The following WWOX variants were observed in gnomAD, a reference collection of about 807,000 sequenced individuals.
WWOX encodes WW domain-containing oxidoreductase.
A neutral mutation model predicts 46.2 loss-of-function variants in WWOX; 69 were observed. That is an observed-to-expected ratio of 1.49 (90% CI 1.23 to 1.82). The LOEUF (loss-of-function observed/expected upper bound fraction) is 1.82. Among genes scored for constraint, WWOX ranks in the 40% most tolerant of loss-of-function variants. The pLI, the probability that WWOX is intolerant of heterozygous loss-of-function variation, is 0.00. For missense variants in WWOX, 919 were observed against 542.6 expected (o/e 1.69, Z -6.89); for synonymous variants, 359 against 202.6 (o/e 1.77, Z -6.56).
At chr16:78,715,861 G>A (rs1332644975) in intron 8 of WWOX, among the ~76,000 whole-genome samples, 1 of 152,154 alleles carries the variant, frequency 6.6e-6, no homozygotes, top group African/African-American at 2.4e-5. Flanking sequence ...GGCATGGGCT[G>A]TGTCACATGA....
chr16:78,930,904 T>G (rs1022019698), intron 8 of WWOX, among the ~76,000 whole-genome samples: 5 of 152,112 alleles, frequency 3.3e-5, no homozygotes, highest in African/African-American at 4.8e-5. Flanking sequence ...TGTGGTCAAT[T>G]AGTTCTGGGT....
chr16:78,207,761 CA>C (rs34715697), intron 5 of WWOX, among the ~76,000 whole-genome samples: 49,097 of 104,718 alleles, frequency 0.47, 8,464 homozygotes, highest in African/African-American at 0.54. Context: ...GACCCTATTA[CA>C]AAAAAAAAAA....
chr16:78,444,840 A>G (rs896079063), intron 8 of WWOX, among the ~76,000 whole-genome samples: 3 of 152,104 alleles, frequency 2.0e-5, no homozygotes, highest in Non-Finnish European at 4.4e-5. Context: ...TATGAGGAGC[A>G]GTTCTTTCAA....
intron 5 of WWOX, among the ~76,000 whole-genome samples, chr16:78,261,778 ATC>A (rs1450770919): frequency 0.013 from 571 of 43,696 alleles, 8 homozygotes; most frequent in East Asian, 0.099. Context: ...CTATGTATCT[ATC>A]TATCTATCTA....
At chr16:78,201,497 G>A (rs1207212915) in intron 5 of WWOX, among the ~76,000 whole-genome samples, 3 of 152,060 alleles carry the variant, frequency 2.0e-5, no homozygotes, top group Non-Finnish European at 4.4e-5. Flanking sequence ...GTTGAAAAAA[G>A]AGGCAAGAGA....
intron 8 of WWOX, among the ~76,000 whole-genome samples, chr16:78,611,661 A>AT (rs1008851802): frequency 1.2e-4 from 19 of 152,192 alleles, no homozygotes; most frequent in Non-Finnish European, 2.5e-4. Flanking sequence ...CCTCTGCATG[A>AT]TTTTTTACGC....
chr16:78,958,471 G>T (rs556282501), intron 8 of WWOX, among the ~76,000 whole-genome samples: 1 of 152,232 alleles, frequency 6.6e-6, no homozygotes, highest in Non-Finnish European at 1.5e-5. Flanking sequence ...GAGGTTTTAT[G>T]GTTCTGAAAT....
At chr16:78,607,233 G>A (rs2045780845) in intron 8 of WWOX, among the ~76,000 whole-genome samples, 2 of 151,922 alleles carry the variant, frequency 1.3e-5, no homozygotes, top group Non-Finnish European at 2.9e-5. Context: ...CTTTAATAAA[G>A]CGGTTTATAT....
At chr16:79,141,849 CTT>C (rs2050095922) in intron 8 of WWOX, among the ~76,000 whole-genome samples, 1 of 151,992 alleles carries the variant, frequency 6.6e-6, no homozygotes, top group South Asian at 2.1e-4. Flanking sequence ...TAGGATGACT[CTT>C]CAGTGCTTCT....
rs970797273 is a variant in WWOX at position 79,211,979 on chromosome 16, A to G, written c.*183A>G. ...ATGGGAAGCAGGGAATTCCTGGGGT[A>G]AAGTATCACTTTTCTGGGGCTGGGC... On this transcript the variant is annotated 3_prime_UTR_variant, in exon 9 of 9. Transcript: ENST00000566780. 7.2e-6 allele frequency: 11 copies of G among 1,536,102 alleles called. No individual in the cohort carries two copies. The highest frequency in any genetic ancestry group is 9.6e-6 in the Non-Finnish European group (11 of 1,146,886).
chr16:79,072,834 G>A (rs928762871), intron 8 of WWOX, among the ~76,000 whole-genome samples: 4 of 152,126 alleles, frequency 2.6e-5, no homozygotes, highest in African/African-American at 9.7e-5. Flanking sequence ...ATTTTCAAAT[G>A]CATGTCTTTA....
chr16:78,958,112 A>C (rs1286732256), intron 8 of WWOX, among the ~76,000 whole-genome samples: 1 of 152,138 alleles, frequency 6.6e-6, no homozygotes, highest in Non-Finnish European at 1.5e-5. Flanking sequence ...CCGATATATT[A>C]TTTGGTCCTA....
At chr16:78,742,778 T>G (rs1328756256) in intron 8 of WWOX, among the ~76,000 whole-genome samples, 33 of 152,210 alleles carry the variant, frequency 2.2e-4, no homozygotes, top group Admixed American at 2.2e-3. Flanking sequence ...TCAACTCTTT[T>G]GTATCTGATG....
intron 6 of WWOX, among the ~76,000 whole-genome samples, chr16:78,417,381 C>T (rs566010073): frequency 6.6e-6 from 1 of 152,224 alleles, no homozygotes; most frequent in South Asian, 2.1e-4. Flanking sequence ...GCATGAGCCA[C>T]CATATCTGGC....
chr16:78,935,628 G>A (rs1597173393), intron 8 of WWOX, among the ~76,000 whole-genome samples: 1 of 151,680 alleles, frequency 6.6e-6, no homozygotes, highest in African/African-American at 2.4e-5. Flanking sequence ...AGGGGAGAAG[G>A]ATAGCATTAG....
At chr16:78,222,993 C>T (rs1185174177) in intron 5 of WWOX, among the ~76,000 whole-genome samples, 2 of 152,128 alleles carry the variant, frequency 1.3e-5, no homozygotes, top group African/African-American at 2.4e-5. Flanking sequence ...GGGAGGGACG[C>T]ACTCCCTGTC....
chr16:78,421,274 C>A (rs1194660972), intron 6 of WWOX, among the ~76,000 whole-genome samples: 1 of 152,146 alleles, frequency 6.6e-6, no homozygotes, highest in East Asian at 1.9e-4. Flanking sequence ...CTTCTGGAGG[C>A]TGGAAGGAGC....
intron 8 of WWOX, among the ~76,000 whole-genome samples, chr16:78,499,974 T>G (rs1347453687): frequency 3.9e-5 from 6 of 152,164 alleles, no homozygotes; most frequent in African/African-American, 7.2e-5. Context: ...CTGAGACTCA[T>G]TTTGAATCTT....
At chr16:78,915,639 C>T (rs772200848) in intron 8 of WWOX, among the ~76,000 whole-genome samples, 2 of 152,042 alleles carry the variant, frequency 1.3e-5, no homozygotes, top group Admixed American at 1.3e-4. Context: ...GTCATTGACT[C>T]AGAAGATAGT....
Sources: allele counts gnomAD v4.1 joint callset (sites outside exome capture counted in the v4.1 genomes callset), GRCh38; gene constraint gnomAD v4.1.1; transcripts MANE v1.5; gene names NCBI Gene and HGNC (gene_info 2026-07-23, HGNC 2026-07-21).